Variants in TRPC7 observed in about 807,000 individuals in gnomAD.
The protein encoded by TRPC7 is short transient receptor potential channel 7.
TRPC7 carries 42 observed loss-of-function variants against 90.1 expected under a neutral mutation model. That is an observed-to-expected ratio of 0.47 (90% CI 0.36 to 0.60). The LOEUF (loss-of-function observed/expected upper bound fraction) is 0.60. Among genes scored for constraint, TRPC7 ranks in the 20% least tolerant of loss-of-function variants. TRPC7 has a pLI of 0.00. For missense variants in TRPC7, 955 were observed against 1,112.3 expected (o/e 0.86, Z 2.01); for synonymous variants, 451 against 436.3 (o/e 1.03, Z -0.42).
intron 5 of TRPC7, among the ~76,000 whole-genome samples, chr5:136,254,018 G>C (rs1490273437): frequency 6.6e-6 from 1 of 152,178 alleles, no homozygotes; most frequent in Non-Finnish European, 1.5e-5. Context: ...CCAAACCAGA[G>C]GAAGACCCTC....
rs775710974 is a variant in TRPC7, at chr5:136,251,891, G to A, written c.1346-9C>T. On this transcript the variant is annotated splice_polypyrimidine_tract_variant and intron_variant, in intron 5 of 11. Transcript: ENST00000513104. ...TTCGGACCAAATCATTCCTGTGGGA[G>A]AAGGAGAAGGCCAGGCTCACTTTTC... 6.2e-7 allele frequency: 1 copy of A among 1,609,468 alleles called. No individual in the cohort carries two copies. The highest frequency in any genetic ancestry group is 8.5e-7 in the Non-Finnish European group (1 of 1,175,952).
chr5:136,283,287 T>G lies in TRPC7; in HGVS notation c.964-8450A>C, dbSNP rs939140335. ...TTTCTTTGCAAAGGCAGTTGCTTGC[T>G]TTCCATTGCTCCTATCTCACTTGCT... On this transcript the variant is annotated intron_variant, in intron 3 of 11. Transcript: ENST00000513104. Among the ~76,000 whole-genome samples the G allele has an allele frequency of 2.6e-5, 4 of 152,240 alleles. No individual in the cohort carries two copies. The South Asian group carries it at 6.2e-4, about 24-fold the overall frequency.
intron 3 of TRPC7, among the ~76,000 whole-genome samples, chr5:136,288,275 C>G (rs1372328286): frequency 2.0e-5 from 3 of 152,102 alleles, no homozygotes; most frequent in Non-Finnish European, 4.4e-5. Context: ...CAAATTCATA[C>G]TGTTTATGCC....
At chr5:136,340,604 C>T (rs907569946) in intron 2 of TRPC7, among the ~76,000 whole-genome samples, 1 of 151,792 alleles carries the variant, frequency 6.6e-6, no homozygotes, top group Admixed American at 6.6e-5. Flanking sequence ...GTGGAGTAGC[C>T]TTTTAAAGCA....
chr5:136,309,716 A>G (rs1758765659), intron 3 of TRPC7, among the ~76,000 whole-genome samples: 1 of 152,254 alleles, frequency 6.6e-6, no homozygotes, highest in African/African-American at 2.4e-5. Context: ...TGGTTCTTCT[A>G]TCAGCCGGGA....
At chr5:136,235,618 G>T (rs1380556363) in intron 7 of TRPC7, among the ~76,000 whole-genome samples, 2 of 152,274 alleles carry the variant, frequency 1.3e-5, no homozygotes, top group Non-Finnish European at 2.9e-5. Context: ...CAGGGCATGG[G>T]GTGGAAAGCC....
chr5:136,284,487 A>G (rs905364481), intron 3 of TRPC7, among the ~76,000 whole-genome samples: 3 of 152,230 alleles, frequency 2.0e-5, no homozygotes, highest in Admixed American at 6.5e-5. Context: ...ATTTAAAGCC[A>G]CATCTACCTA....
chr5:136,343,968 C>T (rs1217016218), intron 2 of TRPC7, among the ~76,000 whole-genome samples: 4 of 152,156 alleles, frequency 2.6e-5, no homozygotes, highest in African/African-American at 9.7e-5. Context: ...ACCATAAAGA[C>T]ATACGCATGT....
chr5:136,239,739 C>T (rs1336368968), intron 7 of TRPC7, among the ~76,000 whole-genome samples: 1 of 152,270 alleles, frequency 6.6e-6, no homozygotes, highest in African/African-American at 2.4e-5. Context: ...CAGAGCCTCC[C>T]AGGCGATCTA....
chr5:136,324,144 G>T (rs1554116179), intron 2 of TRPC7, among the ~76,000 whole-genome samples: 1 of 151,886 alleles, frequency 6.6e-6, no homozygotes, highest in Non-Finnish European at 1.5e-5. Flanking sequence ...CTTGTGTGTT[G>T]TCCTTATATT....
chr5:136,284,754 A>G (rs1232588143), intron 3 of TRPC7, among the ~76,000 whole-genome samples: 1 of 152,172 alleles, frequency 6.6e-6, no homozygotes, highest in Non-Finnish European at 1.5e-5. Flanking sequence ...TTGTTGAGGG[A>G]AGGATTTTTG....
At position 136,247,502 on chromosome 5, in the gene TRPC7, G is replaced by A. The variant is rs771146302; in HGVS notation, c.1813C>T (p.Arg605Ter). 5 of 1,613,616 alleles carry A rather than the reference G, an allele frequency of 3.1e-6. No homozygotes were observed. Among genetic ancestry groups the A allele is most frequent in the African/African-American group, 1.3e-5 (1 of 74,870 alleles). The change falls in exon 7 of 12, where the codon CGA becomes TGA. Residue 605 changes from arginine to a stop codon, truncating the protein, a stop_gained. Coordinates refer to ENST00000513104, the MANE Select transcript of TRPC7 (RefSeq NM_020389.3). LOFTEE classifies it high-confidence loss of function. The surrounding 1 kb of genome is among the most constrained non-coding windows in gnomAD (Gnocchi z 4.2). The part of the protein sequence containing the change: ...IGMFNLYSYY[R>*]GAKYNPAFTT... ...AACGCTGGGTTGTATTTGGCACCTC[G>A]GTAGTAAGAGTACAGGTTGAACATC...
chr5:136,320,153 C>G (rs566717784), intron 2 of TRPC7, among the ~76,000 whole-genome samples: 1 of 140,546 alleles, frequency 7.1e-6, no homozygotes, highest in Non-Finnish European at 1.5e-5. Context: ...TTCAGTTGTC[C>G]TAGACAAAAA....
chr5:136,292,404 A>C (rs1365681777), intron 3 of TRPC7, among the ~76,000 whole-genome samples: 2 of 152,192 alleles, frequency 1.3e-5, no homozygotes, highest in Non-Finnish European at 2.9e-5. Flanking sequence ...TAGCAAGACT[A>C]ATAAAGAAGA....
intron 3 of TRPC7, among the ~76,000 whole-genome samples, chr5:136,295,129 G>C (rs983795218): frequency 3.3e-5 from 5 of 151,926 alleles, no homozygotes; most frequent in African/African-American, 9.7e-5. Flanking sequence ...CACACACCGG[G>C]GCCTGTTGTG....
chr5:136,268,286 G>T (rs1375043804), intron 4 of TRPC7, among the ~76,000 whole-genome samples: 4 of 152,028 alleles, frequency 2.6e-5, no homozygotes, highest in Non-Finnish European at 5.9e-5. Flanking sequence ...GTGATGAGAG[G>T]TGATGGGAGA....
chr5:136,301,332 A>ATTTTTTTTTTT (rs368799815), intron 3 of TRPC7, among the ~76,000 whole-genome samples: 3 of 85,710 alleles, frequency 3.5e-5, no homozygotes, highest in Non-Finnish European at 6.5e-5. Flanking sequence ...CAGCCCAGGC[A>ATTTTTTTTTTT]TTTTTTTTTT....
At chr5:136,242,667 A>G (rs1580853945) in intron 7 of TRPC7, among the ~76,000 whole-genome samples, 1 of 152,142 alleles carries the variant, frequency 6.6e-6, no homozygotes, top group African/African-American at 2.4e-5. Context: ...CCATCTCCCT[A>G]TTGGTGCAAT....
intron 3 of TRPC7, among the ~76,000 whole-genome samples, chr5:136,300,299 A>G (rs1758331800): frequency 6.6e-6 from 1 of 152,200 alleles, no homozygotes; most frequent in Non-Finnish European, 1.5e-5. Flanking sequence ...TCCACCCTCT[A>G]AAGTTGAGCT....
Sources: allele counts gnomAD v4.1 joint callset (sites outside exome capture counted in the v4.1 genomes callset), GRCh38; gene constraint gnomAD v4.1.1; non-coding constraint Gnocchi (gnomAD v3.1); transcripts MANE v1.5; gene names NCBI Gene and HGNC (gene_info 2026-07-23, HGNC 2026-07-21).